Variants in RYR2 observed in about 807,000 individuals in gnomAD.
RYR2 encodes cardiac muscle ryanodine receptor-calcium release channel.
In RYR2, 227 loss-of-function variants were observed where a neutral mutation model predicts 601.1. That is an observed-to-expected ratio of 0.38 (90% CI 0.34 to 0.42). The LOEUF is 0.42. Among genes scored for constraint, RYR2 ranks in the 10% least tolerant of loss-of-function variants. RYR2 has a pLI of 1.00. For missense variants in RYR2, 4,646 were observed against 6,156.5 expected (o/e 0.75, Z 8.21); for synonymous variants, 2,223 against 2,175.1 (o/e 1.02, Z -0.61).
At chr1:237,397,357 A>G (rs1702948120) in intron 10 of RYR2, among the ~76,000 whole-genome samples, 1 of 152,196 alleles carries the variant, frequency 6.6e-6, no homozygotes, top group Admixed American at 6.5e-5. Flanking sequence ...CCCAGGGAAA[A>G]ACACAAACTC....
chr1:237,266,660 A>C (rs1214779000), intron 1 of RYR2, among the ~76,000 whole-genome samples: 3 of 152,206 alleles, frequency 2.0e-5, no homozygotes, highest in Non-Finnish European at 2.9e-5. Flanking sequence ...TGATTACTGG[A>C]AAGTAAAATA....
chr1:237,770,694 T>C (rs1694198837), intron 84 of RYR2, 113 bp from the exon 85 acceptor site: 1 of 634,838 alleles, frequency 1.6e-6, no homozygotes, highest in Non-Finnish European at 2.9e-6. Flanking sequence ...TTGTGACTGT[T>C]TTTGGTTCAG....
At chr1:237,708,762 A>G (rs578016920) in intron 68 of RYR2, 96 bp from the exon 69 acceptor site, 1 of 1,108,338 alleles carries the variant, frequency 9.0e-7, no homozygotes, top group African/African-American at 1.6e-5. Context: ...GTGCTGGAGA[A>G]GGAGGCTTTA....
chr1:237,152,053 G>A (rs934307785), intron 1 of RYR2, among the ~76,000 whole-genome samples: 88 of 151,796 alleles, frequency 5.8e-4, no homozygotes, highest in African/African-American at 2.0e-3. Flanking sequence ...CCCTCCCTGC[G>A]TCCATGTGTT....
At chr1:237,251,552 C>T (rs1687466094) in intron 1 of RYR2, among the ~76,000 whole-genome samples, 1 of 152,124 alleles carries the variant, frequency 6.6e-6, no homozygotes, top group African/African-American at 2.4e-5. Context: ...TGAATTCCTC[C>T]CCTCTTTCCA....
At chr1:237,267,515 G>A in intron 1 of RYR2, 1 of 213,540 alleles carries the variant, frequency 4.7e-6, no homozygotes, top group Non-Finnish European at 1.0e-5. Flanking sequence ...CTGAGACTCT[G>A]CCTCAAGAAA....
intron 16 of RYR2, 84 bp downstream of exon 16, chr1:237,456,819 G>A: frequency 2.8e-6 from 4 of 1,417,736 alleles, no homozygotes; most frequent in African/African-American, 1.4e-5. Context: ...GCTCATGCCT[G>A]TAATTCCAGC....
intron 62 of RYR2, among the ~76,000 whole-genome samples, chr1:237,684,609 G>A (rs1020944100): frequency 2.6e-5 from 4 of 152,144 alleles, no homozygotes; most frequent in Non-Finnish European, 4.4e-5. Flanking sequence ...TTCAGAAAAA[G>A]AATCGTTTCG....
At chr1:237,109,656 C>T (rs1054707996) in intron 1 of RYR2, among the ~76,000 whole-genome samples, 3 of 150,782 alleles carry the variant, frequency 2.0e-5, no homozygotes, top group African/African-American at 7.3e-5. Context: ...TGATTGATTT[C>T]AGAAATTTAA....
chr1:237,519,252 T>C (rs1666858383), intron 24 of RYR2, among the ~76,000 whole-genome samples: 1 of 152,236 alleles, frequency 6.6e-6, no homozygotes, highest in African/African-American at 2.4e-5. Context: ...TGTTGATTCT[T>C]TCTCTCACTG....
intron 35 of RYR2, among the ~76,000 whole-genome samples, chr1:237,607,425 G>A (rs1253013704): frequency 6.6e-6 from 1 of 151,920 alleles, no homozygotes; most frequent in Non-Finnish European, 1.5e-5. Flanking sequence ...GGCCTGTTGT[G>A]GGGTTGGGGG....
intron 14 of RYR2, among the ~76,000 whole-genome samples, chr1:237,452,077 T>TG (rs1553457209): frequency 0.083 from 6,215 of 74,514 alleles, 467 homozygotes; most frequent in African/African-American, 0.19. Context: ...ATATAAAATT[T>TG]TGTGTGTGTG....
intron 70 of RYR2, among the ~76,000 whole-genome samples, chr1:237,710,115 T>C (rs982290692): frequency 6.6e-6 from 1 of 152,206 alleles, no homozygotes; most frequent in Non-Finnish European, 1.5e-5. Context: ...CTATTTTGTG[T>C]ATTGCAAGTG....
rs1662158417 is a variant in RYR2 at position 237,819,200 on chromosome 1, T to A, written c.14590+8T>A. Reference sequence around the variant, plus strand: ...TCTTGGCCATAATACAAGGTAAGTATCCTCCTCACTGAAGCTGATGAACAT... The same window carrying A: ...TCTTGGCCATAATACAAGGTAAGTAACCTCCTCACTGAAGCTGATGAACAT... On this transcript the variant is annotated splice_region_variant and intron_variant, in intron 101 of 104. Transcript: ENST00000366574. This position sits in a 1 kb window ranked among gnomAD's most constrained non-coding sequence, Gnocchi z 4.0. 5.0e-6 allele frequency: 8 copies of A among 1,610,404 alleles called. No homozygotes were observed. Among genetic ancestry groups the A allele is most frequent in the Non-Finnish European group, 6.8e-6 (8 of 1,177,002 alleles).
intron 47 of RYR2, among the ~76,000 whole-genome samples, chr1:237,641,364 G>A (rs1329992193): frequency 6.6e-6 from 1 of 152,086 alleles, no homozygotes; most frequent in Non-Finnish European, 1.5e-5. Flanking sequence ...ATTTTCTTTT[G>A]TGTATTTAGC....
intron 77 of RYR2, among the ~76,000 whole-genome samples, chr1:237,731,145 AATGTGTAGACTATTGGAT>A (rs3835526): frequency 0.27 from 41,247 of 152,000 alleles, 6,201 homozygotes; most frequent in East Asian, 0.58. Context: ...TAGAATAAAA[AATGTGTAGACTATTGGAT>A]ATCTTGTGGA....
chr1:237,306,542 C>T (rs1017407008), intron 2 of RYR2, among the ~76,000 whole-genome samples: 3 of 152,172 alleles, frequency 2.0e-5, no homozygotes, highest in African/African-American at 7.2e-5. Flanking sequence ...AACCAGTCAA[C>T]ATTGTTCTCT....
chr1:237,483,559 C>G (rs1436252987), intron 17 of RYR2, among the ~76,000 whole-genome samples: 1 of 152,142 alleles, frequency 6.6e-6, no homozygotes, highest in Admixed American at 6.5e-5. Context: ...AATAATGATA[C>G]CTCTTACTAT....
intron 84 of RYR2, among the ~76,000 whole-genome samples, chr1:237,769,505 TAC>T (rs1268471044): frequency 6.6e-6 from 1 of 152,134 alleles, no homozygotes; most frequent in Non-Finnish European, 1.5e-5. Flanking sequence ...GGGAAATGAG[TAC>T]AGTGATTTTA....
Sources: gnomAD v4.1 joint callset for allele counts (sites outside exome capture counted in the v4.1 genomes callset) on GRCh38, gnomAD v4.1.1 for gene constraint, Gnocchi (gnomAD v3.1) non-coding constraint, MANE v1.5 for transcripts, NCBI Gene and HGNC (gene_info 2026-07-23, HGNC 2026-07-21) for gene names.